PAK1: variants seen among roughly 807,000 people sequenced by gnomAD.
PAK1 encodes p21 (RAC1) activated kinase 1, also known as serine/threonine-protein kinase PAK 1.
Under a neutral mutation model 67.4 loss-of-function variants are expected in PAK1, and 29 were observed. The observed-to-expected ratio is 0.43, with a 90% CI of 0.32 to 0.59. The LOEUF (loss-of-function observed/expected upper bound fraction) is 0.59, where lower values mean the gene tolerates loss of function less well. Ranked by LOEUF, PAK1 falls within the 20% of genes least tolerant of loss-of-function variation. PAK1 has a pLI of 0.07. For missense variants in PAK1, 337 were observed against 670.7 expected, an observed-to-expected ratio of 0.50 and a Z score of 5.50; for synonymous variants, 223 against 237.4, an observed-to-expected ratio of 0.94 and a Z score of 0.56.
chr11:77,490,270 TCAGA>T, the PAK1 span, among the ~76,000 whole-genome samples: 1 of 133,422 alleles, frequency 7.5e-6, no homozygotes, highest in African/African-American at 3.0e-5. Flanking sequence ...CCGCCCCGTC[TCAGA>T]GGGAGGTGGG....
At chr11:77,489,386 C>CCTCCTCG in the PAK1 span, among the ~76,000 whole-genome samples, 1 of 148,794 alleles carries the variant, frequency 6.7e-6, no homozygotes, top group African/African-American at 2.5e-5. Flanking sequence ...ATCTCCCCTC[C>CCTCCTCG]CTCCTCTCTC....
chr11:77,528,982 G>T, the PAK1 span, among the ~76,000 whole-genome samples: 1 of 152,110 alleles, frequency 6.6e-6, no homozygotes, highest in African/African-American at 2.4e-5. Context: ...TAGGTTCAAA[G>T]GTTGTCAGCC....
At chr11:77,417,524 A>G (rs528743013) in intron 1 of PAK1, among the ~76,000 whole-genome samples, 2 of 152,254 alleles carry the variant, frequency 1.3e-5, no homozygotes, top group East Asian at 1.9e-4. Flanking sequence ...TTAGGGTGTA[A>G]AACTATACTG....
At chr11:77,492,588 C>A in the PAK1 span, among the ~76,000 whole-genome samples, 2 of 149,566 alleles carry the variant, frequency 1.3e-5, no homozygotes, top group Non-Finnish European at 3.0e-5. Context: ...ATTCTGTCGC[C>A]CAGGTTGCGG....
chr11:77,419,485 G>C (rs945320044), intron 1 of PAK1, among the ~76,000 whole-genome samples: 3 of 152,166 alleles, frequency 2.0e-5, no homozygotes, highest in Non-Finnish European at 4.4e-5. Context: ...GTAGGCATAT[G>C]AGTTTGCAAC....
At chr11:77,458,186 CT>C (rs1281314791) in intron 1 of PAK1, among the ~76,000 whole-genome samples, 2 of 152,112 alleles carry the variant, frequency 1.3e-5, no homozygotes, top group African/African-American at 2.4e-5. Flanking sequence ...TTGATGGGGC[CT>C]TTAATTTATC....
At chr11:77,422,162 A>G (rs921215513) in intron 1 of PAK1, among the ~76,000 whole-genome samples, 2 of 152,196 alleles carry the variant, frequency 1.3e-5, no homozygotes, top group Admixed American at 6.5e-5. Flanking sequence ...ATTTGCTACT[A>G]TATCTCCAGC....
At chr11:77,453,397 G>C (rs1956944543) in intron 1 of PAK1, among the ~76,000 whole-genome samples, 1 of 151,762 alleles carries the variant, frequency 6.6e-6, no homozygotes. Context: ...TTCCCTGTCT[G>C]TCCTAGTTTC....
At position 77,450,289 on chromosome 11, in the gene PAK1, C is replaced by T. The variant is rs183650433; in HGVS notation, c.-22+23263G>A. ...GACCCACTGAGAGAATGATGTTTAC[C>T]TGATCATGTGGGTTTCATGCTCCCC... On this transcript the variant is annotated intron_variant, in intron 1 of 14. Transcript: ENST00000356341. 3.3e-5 allele frequency among the ~76,000 whole-genome samples: 5 copies of T among 152,234 alleles called. No individual in the cohort carries two copies. In the East Asian group the frequency reaches 7.7e-4, roughly 23 times the overall value.
chr11:77,525,287 G>A, the PAK1 span, among the ~76,000 whole-genome samples: 1 of 151,388 alleles, frequency 6.6e-6, no homozygotes, highest in South Asian at 2.1e-4. Flanking sequence ...GGCGGATCAC[G>A]CCACTGTACT....
intron 2 of PAK1, among the ~76,000 whole-genome samples, chr11:77,391,831 T>G (rs1323429485): frequency 6.6e-6 from 1 of 152,218 alleles, no homozygotes; most frequent in Non-Finnish European, 1.5e-5. Context: ...AGTAAACTCA[T>G]GCTGAATGCT....
intron 13 of PAK1, among the ~76,000 whole-genome samples, chr11:77,334,181 A>T (rs1298722583): frequency 1.4e-5 from 2 of 146,986 alleles, no homozygotes; most frequent in Non-Finnish European, 3.1e-5. Context: ...AAAAAAAAAT[A>T]AAATAAAAAT....
chr11:77,489,289 G>A, the PAK1 span, among the ~76,000 whole-genome samples: 1 of 152,160 alleles, frequency 6.6e-6, no homozygotes, highest in Admixed American at 6.5e-5. Context: ...CACCAGACTT[G>A]TCTTGTAAGA....
At chr11:77,524,503 T>C in the PAK1 span, among the ~76,000 whole-genome samples, 3 of 152,252 alleles carry the variant, frequency 2.0e-5, no homozygotes, top group East Asian at 5.8e-4. Flanking sequence ...AGTTTCATCT[T>C]ACATGCCATC....
upstream of PAK1, chr11:77,474,514 AGTC>A: frequency 2.0e-5 from 3 of 152,310 alleles, no homozygotes; most frequent in East Asian, 5.8e-4. Flanking sequence ...CTACTGTAGT[AGTC>A]AGGATGGAGA....
chr11:77,513,142 T>A, the PAK1 span, among the ~76,000 whole-genome samples: 11 of 152,142 alleles, frequency 7.2e-5, 1 homozygote, highest in Non-Finnish European at 1.2e-4. Context: ...CTCTTTGACG[T>A]CATTGACTCC....
chr11:77,523,801 A>C, the PAK1 span, among the ~76,000 whole-genome samples: 1 of 152,206 alleles, frequency 6.6e-6, no homozygotes, highest in Non-Finnish European at 1.5e-5. Flanking sequence ...TAAAAAATAT[A>C]ATGACAGTGA....
At chr11:77,432,171 T>C (rs190285580) in intron 1 of PAK1, among the ~76,000 whole-genome samples, 11 of 152,120 alleles carry the variant, frequency 7.2e-5, no homozygotes, top group Non-Finnish European at 1.5e-4. Context: ...TACCCCATAA[T>C]AACACAATAA....
chr11:77,410,238 T>C (rs190302171), intron 1 of PAK1, among the ~76,000 whole-genome samples: 172 of 152,242 alleles, frequency 1.1e-3, no homozygotes, highest in Non-Finnish European at 1.5e-3. Flanking sequence ...CCAGCACTAC[T>C]TGACATTCTT....
Sources: allele counts gnomAD v4.1 joint callset (sites outside exome capture counted in the v4.1 genomes callset), GRCh38; gene constraint gnomAD v4.1.1; transcripts MANE v1.5; gene names NCBI Gene and HGNC (gene_info 2026-07-23, HGNC 2026-07-21).